DNAH14: variants seen among roughly 807,000 people sequenced by gnomAD.
The protein encoded by DNAH14 is dynein axonemal heavy chain 14.
A neutral mutation model predicts 520.9 loss-of-function variants in DNAH14; 478 were observed. That is an observed-to-expected ratio of 0.92 (90% CI 0.85 to 0.99). The LOEUF (loss-of-function observed/expected upper bound fraction) is 0.99, where lower values mean the gene tolerates loss of function less well. Among genes scored for constraint, DNAH14 ranks in the 50% least tolerant of loss-of-function variants. DNAH14 has a pLI of 0.00. For synonymous variants in DNAH14, 1,581 were observed against 1,757.2 expected (o/e 0.90, Z 2.51); for missense variants, 4,831 against 5,234.5 (o/e 0.92, Z 2.38).
rs139502575 is a variant in DNAH14 at position 225,093,820 on chromosome 1, G to A, written c.3574-3298G>A. On this transcript the variant is annotated intron_variant, in intron 21 of 85. Transcript: ENST00000682510. ...CAAAATTAATGTACAAAAATCAGTA[G>A]CATTTCTATACACCAACAACATCCA... Among the ~76,000 whole-genome samples, 586 of 152,180 alleles carry A rather than the reference G, an allele frequency of 3.9e-3. 5 individuals are homozygous for A. The highest frequency in any genetic ancestry group is 0.013 in the African/African-American group (554 of 41,530).
chr1:225,392,293 T>A lies in DNAH14; in HGVS notation c.13333T>A (p.Phe4445Ile). ...ATGGTGTGTGTTCTTCTCCAAAGCCTTTCTTGCTGCTGTGCTTCAAGACTA... is the reference window on the plus strand; with the variant it reads ...ATGGTGTGTGTTCTTCTCCAAAGCCATTCTTGCTGCTGTGCTTCAAGACTA... ...WLPAFFFPQA[F>I]LAAVLQDYGR... Residue 4445 changes from phenylalanine to isoleucine, a missense_variant and splice_region_variant, in exon 84 of 86, where the codon TTT (phenylalanine) becomes ATT (isoleucine). Coordinates refer to ENST00000682510, the MANE Select transcript of DNAH14 (RefSeq NM_001367479.1). The A allele has an allele frequency of 6.4e-7, 1 of 1,552,398 alleles. No individual in the cohort carries two copies. Among genetic ancestry groups the A allele is most frequent in the African/African-American group, 1.4e-5 (1 of 73,180 alleles).
At chr1:225,099,297 G>A (rs563369814) in intron 22 of DNAH14, among the ~76,000 whole-genome samples, 1 of 151,996 alleles carries the variant, frequency 6.6e-6, no homozygotes, top group Non-Finnish European at 1.5e-5. Flanking sequence ...AGAAACTAGC[G>A]CTTGCCTCTT....
At chr1:225,297,393 G>A (rs979600491) in intron 55 of DNAH14, among the ~76,000 whole-genome samples, 2 of 151,924 alleles carry the variant, frequency 1.3e-5, no homozygotes, top group African/African-American at 2.4e-5. Context: ...TGTTACTGGT[G>A]AGCTATTGTG....
At chr1:225,102,268 A>G (rs372755673) in intron 23 of DNAH14, among the ~76,000 whole-genome samples, 101 of 151,828 alleles carry the variant, frequency 6.7e-4, no homozygotes, top group East Asian at 6.0e-3. Flanking sequence ...TATGTGCCAC[A>G]TTTTCTTAAT....
At chr1:225,160,926 T>G (rs1345663723) in intron 35 of DNAH14, among the ~76,000 whole-genome samples, 1 of 152,192 alleles carries the variant, frequency 6.6e-6, no homozygotes, top group Non-Finnish European at 1.5e-5. Context: ...CTATTCTGTT[T>G]CCAGCTTTTT....
intron 55 of DNAH14, among the ~76,000 whole-genome samples, chr1:225,294,847 A>G (rs1313438090): frequency 6.6e-6 from 1 of 151,854 alleles, no homozygotes; most frequent in Non-Finnish European, 1.5e-5. Context: ...AGTTGGTAGA[A>G]TTCAGCAGTG....
chr1:225,323,904 C>G (rs566619571), intron 62 of DNAH14, among the ~76,000 whole-genome samples: 1 of 152,312 alleles, frequency 6.6e-6, no homozygotes, highest in South Asian at 2.1e-4. Context: ...CAACCTCTCA[C>G]TCCTGGGTTC....
At chr1:225,067,424 T>C (rs1338423184) in intron 17 of DNAH14, among the ~76,000 whole-genome samples, 1 of 152,086 alleles carries the variant, frequency 6.6e-6, no homozygotes, top group Non-Finnish European at 1.5e-5. Flanking sequence ...CTGCAATGGA[T>C]ATATGTATGC....
chr1:224,967,047 C>T (rs1160628540), intron 5 of DNAH14, among the ~76,000 whole-genome samples: 1 of 152,012 alleles, frequency 6.6e-6, no homozygotes, highest in Admixed American at 6.6e-5. Context: ...CCATCATTAT[C>T]AAAATAAATG....
intron 81 of DNAH14, among the ~76,000 whole-genome samples, chr1:225,386,514 G>A (rs2095843822): frequency 6.6e-6 from 1 of 152,090 alleles, no homozygotes; most frequent in Admixed American, 6.5e-5. Flanking sequence ...AATCTACAAA[G>A]AACGTAAATA....
chr1:225,263,950 A>G (rs2093026094), intron 46 of DNAH14, among the ~76,000 whole-genome samples: 1 of 152,130 alleles, frequency 6.6e-6, no homozygotes, highest in African/African-American at 2.4e-5. Context: ...CAGAGAAAAT[A>G]TCTAACTGTC....
At position 225,278,016 on chromosome 1, in the gene DNAH14, CTTTA is replaced by C. The variant is rs1432413324; in HGVS notation, c.8271+520_8271+523del. Among the ~76,000 whole-genome samples, 9 of 151,740 alleles carry C rather than the reference CTTTA, an allele frequency of 5.9e-5. No individual in the cohort carries two copies. The South Asian group carries it at 6.2e-4, about 11-fold the overall frequency. ...TTTATGACTAGTTGTTTATTTTATA[CTTTA>C]TTTATAACTGTTTGGTTAATTTGTG... On this transcript the variant is annotated intron_variant, in intron 54 of 85. Transcript: ENST00000682510.
chr1:225,352,258 A>AT (rs1212939990), intron 72 of DNAH14, among the ~76,000 whole-genome samples: 4 of 152,104 alleles, frequency 2.6e-5, no homozygotes, highest in African/African-American at 9.7e-5. Context: ...ATGACTTACT[A>AT]TTTTTAGCAC....
chr1:225,309,621 G>A (rs1337910189), intron 60 of DNAH14, among the ~76,000 whole-genome samples: 1 of 152,282 alleles, frequency 6.6e-6, no homozygotes, highest in African/African-American at 2.4e-5. Context: ...GGGGCCGAGC[G>A]GGGTGGCTTA....
At chr1:225,299,728 C>T (rs548698969) in intron 55 of DNAH14, among the ~76,000 whole-genome samples, 1 of 152,330 alleles carries the variant, frequency 6.6e-6, no homozygotes, top group African/African-American at 2.4e-5. Context: ...GTTTCCCACA[C>T]TTTCCAGGCT....
rs1464639992 is a variant in DNAH14, at chr1:225,340,570, C to T, written c.10547C>T (p.Ser3516Phe). ...TFQGLQDQLL[S>F]TVVTHEVPHL... is the part of the protein sequence containing the mutation. ...CAAGGTTTGCAAGATCAACTCTTGT[C>T]TACTGTGGTAACTCATGAAGTTCCT... The change falls in exon 69 of 86, where the codon TCT becomes TTT. Residue 3516 changes from serine to phenylalanine, a missense_variant. Transcript: ENST00000682510. The T allele has an allele frequency of 1.9e-6, 3 of 1,551,312 alleles. No individual in the cohort carries two copies. The highest frequency in any genetic ancestry group is 2.7e-5 in the African/African-American group (2 of 73,042).
At chr1:225,129,511 C>A (rs902465365) in intron 27 of DNAH14, among the ~76,000 whole-genome samples, 5 of 152,080 alleles carry the variant, frequency 3.3e-5, no homozygotes, top group Admixed American at 2.6e-4. Flanking sequence ...AGAAATAATG[C>A]CGCATATCTA....
chr1:225,043,895 A>C lies in DNAH14; in HGVS notation c.1824A>C (p.Glu608Asp). ...TTGTTTTCTCTGTTAGATTTCCAGA[A>C]TTTCCTACAAATCTCTTTATAGATC... ...ENKYMYYEFP[E>D]FPTNLFIDPN... is the part of the protein sequence containing the mutation. The change falls in exon 15 of 86, where the codon GAA becomes GAC. Residue 608 changes from glutamate to aspartate, a missense_variant. Coordinates refer to ENST00000682510, the MANE Select transcript of DNAH14 (RefSeq NM_001367479.1). 6.6e-7 allele frequency: 1 copy of C among 1,525,758 alleles called. No homozygotes were observed. The allele number at this position is 1,525,758 out of a possible 1,614,324, so 94.5% of individuals were successfully genotyped here.
chr1:225,176,566 G>A (rs2083365092), intron 36 of DNAH14, among the ~76,000 whole-genome samples: 1 of 117,432 alleles, frequency 8.5e-6, no homozygotes. Flanking sequence ...TGTATGATAT[G>A]GTTTGGCTGT....
Sources: gnomAD v4.1 joint callset for allele counts (sites outside exome capture counted in the v4.1 genomes callset) on GRCh38, gnomAD v4.1.1 for gene constraint, MANE v1.5 for transcripts, NCBI Gene and HGNC (gene_info 2026-07-23, HGNC 2026-07-21) for gene names.